Variants in MAP7D2 observed in about 807,000 individuals in gnomAD.
MAP7D2 encodes MAP7 domain-containing protein 2.
In MAP7D2, 33 loss-of-function variants were observed where a neutral mutation model predicts 63.5. The observed-to-expected ratio is 0.52, with a 90% CI of 0.39 to 0.70. The LOEUF (loss-of-function observed/expected upper bound fraction) is 0.70, where lower values mean the gene tolerates loss of function less well. MAP7D2 is among the 30% of genes least tolerant of loss of function. The pLI is 0.00. For missense variants in MAP7D2, 626 were observed against 604.0 expected (o/e 1.04, Z -0.38); for synonymous variants, 224 against 223.7 (o/e 1.00, Z -0.01).
chrX:20,012,426 G>GAGT lies in MAP7D2; in HGVS notation c.1992_1994dup (p.Leu665dup). 1 of 1,209,596 alleles carries GAGT rather than the reference G, an allele frequency of 8.3e-7. No individual in the cohort carries two copies. Among genetic ancestry groups the GAGT allele is most frequent in the Non-Finnish European group, 1.1e-6 (1 of 893,937 alleles). On this transcript the variant is annotated inframe_insertion, in exon 15 of 17. Transcript: ENST00000379643. The stretch of plus-strand genomic sequence containing the variant: ...TCCCATCAAGGGCATCCAGATGAAT[G>GAGT]AGTCCCCCAGCTGGCTTAAGCCCAT...
Position 20,008,376 on chromosome X carries a change from A to G in MAP7D2, c.*49T>C, listed in dbSNP as rs2073069232. On this transcript the variant is annotated 3_prime_UTR_variant, in exon 17 of 17. Coordinates refer to ENST00000379643, the MANE Select transcript of MAP7D2 (RefSeq NM_001168465.2). ...TAGTAGCTCGGATTTGACTATCAGCAGCTTTACGGGTTCTCCAAACACCTG... is the reference window on the plus strand; with the variant it reads ...TAGTAGCTCGGATTTGACTATCAGCGGCTTTACGGGTTCTCCAAACACCTG... 8.9e-6 allele frequency: 1 copy of G among 112,187 alleles called. No homozygotes were observed. The highest frequency in any genetic ancestry group is 3.2e-5 in the African/African-American group (1 of 30,911). 9.2% of individuals were successfully genotyped at this position (112,187 alleles called of 1,213,427 possible). A position where few individuals can be genotyped will look rare whatever the true frequency, so the allele number is the denominator to read the frequency against.
At chrX:20,030,143 C>G (rs756248055) in intron 8 of MAP7D2, among the ~76,000 whole-genome samples, 8 of 112,343 alleles carry the variant, frequency 7.1e-5, no homozygotes, top group Non-Finnish European at 7.5e-5. Context: ...GAGGTTTATT[C>G]TGAAGTACCT....
At chrX:20,113,325 C>A in intron 1 of MAP7D2, among the ~76,000 whole-genome samples, 1 of 111,468 alleles carries the variant, frequency 9.0e-6, no homozygotes, top group Middle Eastern at 4.6e-3. Flanking sequence ...CTGCTCACTG[C>A]AACCTCCGCC....
At chrX:20,016,006 A>T (rs892219941) in intron 11 of MAP7D2, 88 bp downstream of exon 11, 2 of 794,909 alleles carry the variant, frequency 2.5e-6, no homozygotes, top group African/African-American at 4.2e-5. Context: ...TCAAGTAAAC[A>T]TTATGAGTCA....
intron 1 of MAP7D2, among the ~76,000 whole-genome samples, chrX:20,116,131 T>C (rs2066885431): frequency 8.9e-6 from 1 of 112,966 alleles, no homozygotes; most frequent in Admixed American, 9.2e-5. Context: ...GCTGCCTCGA[T>C]TGAGGGCCGC....
At chrX:20,040,957 A>C (rs775632352) in intron 8 of MAP7D2, among the ~76,000 whole-genome samples, 101 of 111,807 alleles carry the variant, frequency 9.0e-4, no homozygotes, top group Non-Finnish European at 1.3e-3. Flanking sequence ...AACAAAAAAA[A>C]CCAGTATTTG....
intron 1 of MAP7D2, among the ~76,000 whole-genome samples, chrX:20,115,574 A>T (rs1375824428): frequency 8.9e-6 from 1 of 111,835 alleles, no homozygotes; most frequent in Admixed American, 9.5e-5. Context: ...TGTGACAGTT[A>T]ATGAATTCTG....
At chrX:20,066,675 C>T (rs1010556416) in intron 1 of MAP7D2, among the ~76,000 whole-genome samples, 5 of 111,821 alleles carry the variant, frequency 4.5e-5, no homozygotes, top group African/African-American at 1.3e-4. Flanking sequence ...ACTGCCCTTT[C>T]TCCCATGCAC....
chrX:20,013,111 C>T lies in MAP7D2; in HGVS notation c.1828G>A (p.Val610Ile). 1 of 1,209,384 alleles carries T rather than the reference C, an allele frequency of 8.3e-7. No individual in the cohort carries two copies. Among genetic ancestry groups the T allele is most frequent in the Non-Finnish European group, 1.1e-6 (1 of 893,763 alleles). Residue 610 changes from valine to isoleucine, a missense_variant, in exon 14 of 17, where the codon GTC becomes ATC. Coordinates refer to ENST00000379643, the MANE Select transcript of MAP7D2 (RefSeq NM_001168465.2). ...TTTTCCACACACACAGCAGGCTGGA[C>T]CCCCACTTTGGGGTCTTCTTTCTGA... ...QVKKEDPKVGVQPAVCVEKKT... is the reference protein window; with the variant it reads ...QVKKEDPKVGIQPAVCVEKKT...
intron 3 of MAP7D2, among the ~76,000 whole-genome samples, chrX:20,060,074 C>T (rs1216602447): frequency 9.2e-6 from 1 of 108,110 alleles, no homozygotes. Context: ...GGCTGGAGTG[C>T]AGTGGTGCGA....
At chrX:20,090,954 G>A (rs6527961) in intron 1 of MAP7D2, among the ~76,000 whole-genome samples, 37,128 of 107,635 alleles carry the variant, frequency 0.34, 7,815 homozygotes, top group African/African-American at 0.77. Context: ...GGGTGACAGA[G>A]TGAGACCTCA....
In MAP7D2 at chrX:20,013,587, A is replaced by T. The variant is rs769881228; in HGVS notation, c.1788T>A (p.Asp596Glu). The change falls in exon 13 of 17, where the codon GAT becomes GAA. Residue 596 changes from aspartate (D) to glutamate (E), a missense_variant. Asp to Glu is a conservative substitution (Grantham distance 45, BLOSUM62 2). Transcript: ENST00000379643. Reference sequence around the variant, plus strand: ...TTCCTACCTTCACTTGTGGAGACACATCACTTTTCCTTGTTCTCTTCATGA... The same window carrying T: ...TTCCTACCTTCACTTGTGGAGACACTTCACTTTTCCTTGTTCTCTTCATGA... ...DEIMKRTRKS[D>E]VSPQVKKEDP... 8.3e-7 allele frequency: 1 copy of T among 1,198,046 alleles called. No individual in the cohort carries two copies.
At chrX:20,113,914 C>T (rs753627166) in intron 1 of MAP7D2, among the ~76,000 whole-genome samples, 1 of 111,891 alleles carries the variant, frequency 8.9e-6, no homozygotes, top group African/African-American at 3.2e-5. Flanking sequence ...CTATCAAATA[C>T]CAGGCCTTAT....
At chrX:20,053,866 C>CAG (rs2065008855) in intron 4 of MAP7D2, among the ~76,000 whole-genome samples, 1 of 111,655 alleles carries the variant, frequency 9.0e-6, no homozygotes, top group African/African-American at 3.3e-5. Context: ...TTTTTTGAGA[C>CAG]AGAGTCTTGC....
At chrX:20,081,461 T>C (rs1217397512) in intron 1 of MAP7D2, among the ~76,000 whole-genome samples, 1 of 111,582 alleles carries the variant, frequency 9.0e-6, no homozygotes, top group Non-Finnish European at 1.9e-5. Flanking sequence ...GCAAGCTCTT[T>C]GTCTCAAGCT....
At chrX:20,049,526 C>A (rs1242242257) in intron 6 of MAP7D2, among the ~76,000 whole-genome samples, 1 of 111,253 alleles carries the variant, frequency 9.0e-6, no homozygotes, top group Non-Finnish European at 1.9e-5. Context: ...CCCACCTTGG[C>A]CTCCCATAGT....
chrX:20,013,174 C>T, intron 13 of MAP7D2, 42 bp from the exon 14 acceptor site: 1 of 1,026,149 alleles, frequency 9.7e-7, no homozygotes. Context: ...GGAAGGCTGA[C>T]ATCACACAGA....
rs60683453 is a variant in MAP7D2 at position 20,109,519 on chromosome X, CAAAAAAAAAAAAAAA to C, written c.130+7216_130+7230del. On this transcript the variant is annotated intron_variant, in intron 1 of 16. Transcript: ENST00000379643. ...TGGGCAACAGAGCAAGACTCCGTCT[CAAAAAAAAAAAAAAA>C]AAAAAAAAAGTTTCTCAGCTCCGAA... Among the ~76,000 whole-genome samples, 4 of 33,000 alleles carry C rather than the reference CAAAAAAAAAAAAAAA, an allele frequency of 1.2e-4. No homozygotes were observed. The Admixed American group carries it at 1.6e-3, about 13-fold the overall frequency. The allele number at this position is 33,000 out of a possible 115,157, so 28.7% of individuals were successfully genotyped here.
intron 8 of MAP7D2, among the ~76,000 whole-genome samples, chrX:20,026,717 T>C (rs917223192): frequency 3.6e-5 from 4 of 111,840 alleles, no homozygotes; most frequent in Non-Finnish European, 5.6e-5. Flanking sequence ...GTCTTATGTC[T>C]GCTGGGAAAG....
Sources: gnomAD v4.1 joint callset for allele counts (sites outside exome capture counted in the v4.1 genomes callset) on GRCh38, gnomAD v4.1.1 for gene constraint, MANE v1.5 for transcripts, NCBI Gene and HGNC (gene_info 2026-07-23, HGNC 2026-07-21) for gene names.